The following PCYT1A variants were observed in gnomAD, a reference collection of about 807,000 sequenced individuals.
The protein encoded by PCYT1A is choline-phosphate cytidylyltransferase A.
Under a neutral mutation model 43.7 loss-of-function variants are expected in PCYT1A, and 25 were observed. That is an observed-to-expected ratio of 0.57 (90% confidence interval 0.42 to 0.80). The LOEUF is 0.80. Among genes scored for constraint, PCYT1A ranks in the 30% least tolerant of loss-of-function variants. The probability of loss-of-function intolerance (pLI) is 0.00; values close to 1 mark genes in which losing one functional copy is unlikely to be tolerated. For synonymous variants in PCYT1A, 172 were observed against 170.7 expected, an observed-to-expected ratio of 1.01 and a Z score of -0.06; for missense variants, 421 against 474.2, an observed-to-expected ratio of 0.89 and a Z score of 1.04.
At chr3:196,259,581 T>C (rs1252342075) in intron 2 of PCYT1A, among the ~76,000 whole-genome samples, 1 of 152,108 alleles carries the variant, frequency 6.6e-6, no homozygotes, top group Non-Finnish European at 1.5e-5. Flanking sequence ...CAGTAGCTCA[T>C]GCCTGTAATC....
In PCYT1A at chr3:196,242,931, G is replaced by C; in HGVS notation, c.487-291C>G. The C allele has an allele frequency of 2.6e-6, 1 of 392,068 alleles. No individual in the cohort carries two copies. The highest frequency in any genetic ancestry group is 2.8e-5 in the South Asian group (1 of 35,280). 24.3% of individuals were successfully genotyped at this position (392,068 alleles called of 1,614,324 possible). On this transcript the variant is annotated intron_variant, in intron 5 of 8. Coordinates refer to ENST00000431016, the MANE Select transcript of PCYT1A (RefSeq NM_001312673.2). The surrounding 1 kb of genome is among the most constrained non-coding windows in gnomAD (Gnocchi z 4.2). ...CAGTCATCTTGCTGTGGTCAATAGGGCCAGAGGGTTTGCTGGTGAACCGGT... is the reference window on the plus strand; with the variant it reads ...CAGTCATCTTGCTGTGGTCAATAGGCCCAGAGGGTTTGCTGGTGAACCGGT...
In PCYT1A at chr3:196,245,142, A is replaced by AC. The variant is rs201343687; in HGVS notation, c.486+2224dup. On this transcript the variant is annotated intron_variant, in intron 5 of 8. Coordinates refer to ENST00000431016, the MANE Select transcript of PCYT1A (RefSeq NM_001312673.2). ...TATCCTCAGGATCTATCATTTCACT[A>AC]CTTTTTTTTTTTTTTTTGAGACCGA... 3.2e-4 allele frequency among the ~76,000 whole-genome samples: 47 copies of AC among 146,156 alleles called. 1 individual carries two copies. The highest frequency in any genetic ancestry group is 4.4e-4 in the South Asian group (2 of 4,586).
chr3:196,259,911 CTTTTTTTTTTTT>C (rs779918737), intron 2 of PCYT1A, among the ~76,000 whole-genome samples: 8 of 48,962 alleles, frequency 1.6e-4, no homozygotes, highest in Admixed American at 2.9e-4. Context: ...TGGAAACATT[CTTTTTTTTTTTT>C]TTTTTTTTTT....
chr3:196,280,061 C>T (rs1449573189), intron 1 of PCYT1A, among the ~76,000 whole-genome samples: 3 of 151,986 alleles, frequency 2.0e-5, no homozygotes, highest in Non-Finnish European at 4.4e-5. Flanking sequence ...GAACTCCTGA[C>T]CTCAGGTGAT....
At chr3:196,240,026 C>A in intron 7 of PCYT1A, 2 of 363,958 alleles carry the variant, frequency 5.5e-6, no homozygotes. Context: ...AAAGATAAAA[C>A]ATAAACTTGG....
intron 3 of PCYT1A, among the ~76,000 whole-genome samples, chr3:196,256,287 C>T (rs1009902047): frequency 1.3e-5 from 2 of 152,060 alleles, no homozygotes; most frequent in Non-Finnish European, 2.9e-5. Context: ...GTCAGGAGTT[C>T]GAGGCCAGCC....
chr3:196,264,760 T>G lies in PCYT1A; in HGVS notation c.117+5655A>C, dbSNP rs541073226. Among the ~76,000 whole-genome samples, 3 of 152,320 alleles carry G rather than the reference T, an allele frequency of 2.0e-5. No individual in the cohort carries two copies. The South Asian group carries it at 6.2e-4, about 32-fold the overall frequency. The stretch of plus-strand genomic sequence containing the variant: ...AGATTGACTTTGTAACTTCCGTCTA[T>G]TTGGCACTTTTCATACGTATCATAA... On this transcript the variant is annotated intron_variant, in intron 2 of 8. Transcript: ENST00000431016.
chr3:196,280,820 T>C (rs912311272), intron 1 of PCYT1A, among the ~76,000 whole-genome samples: 1 of 152,170 alleles, frequency 6.6e-6, no homozygotes, highest in Non-Finnish European at 1.5e-5. Flanking sequence ...TCTCAAAATA[T>C]CTTACTACAT....
At chr3:196,245,006 TTTATCTGCTGACC>T (rs1724514814) in intron 5 of PCYT1A, among the ~76,000 whole-genome samples, 2 of 152,142 alleles carry the variant, frequency 1.3e-5, no homozygotes, top group African/African-American at 4.8e-5. Context: ...TGTTCACTTG[TTTATCTGCTGACC>T]TTCCGTCCAC....
At chr3:196,245,720 C>T (rs1577357003) in intron 5 of PCYT1A, among the ~76,000 whole-genome samples, 1 of 152,020 alleles carries the variant, frequency 6.6e-6, no homozygotes, top group East Asian at 1.9e-4. Context: ...AATAGGAGGC[C>T]GGGTGGATCA....
chr3:196,244,249 G>A lies in PCYT1A; in HGVS notation c.487-1609C>T, dbSNP rs578124957. 2.6e-3 allele frequency among the ~76,000 whole-genome samples: 363 copies of A among 140,668 alleles called. 6 individuals are homozygous for A. In the Middle Eastern group the frequency reaches 0.04, roughly 15 times the overall value. 92.3% of individuals were successfully genotyped at this position (140,668 alleles called of 152,430 possible). A position where few individuals can be genotyped will look rare whatever the true frequency, so the allele number is the denominator to read the frequency against. On this transcript the variant is annotated intron_variant, in intron 5 of 8. Transcript: ENST00000431016. Reference sequence around the variant, plus strand: ...CGACCCCGTCTGGGATGTGAGGAGCGTCTCTGCCTGGCCGCCCATCGTCTG... The same window carrying A: ...CGACCCCGTCTGGGATGTGAGGAGCATCTCTGCCTGGCCGCCCATCGTCTG...
At position 196,238,299 on chromosome 3, in the gene PCYT1A, C is replaced by T. The variant is rs188553812; in HGVS notation, c.*389G>A. 21 of 159,480 alleles carry T rather than the reference C, an allele frequency of 1.3e-4. No individual in the cohort carries two copies. The highest frequency in any genetic ancestry group is 3.2e-4 in the Admixed American group (5 of 15,500). 9.9% of individuals were successfully genotyped at this position (159,480 alleles called of 1,614,324 possible). On this transcript the variant is annotated 3_prime_UTR_variant, in exon 9 of 9. Transcript: ENST00000431016. ...GTATACCGGGAAGAAAAGGCCTCTG[C>T]GTATTACACTACCTCCTTCTTCTGC...
chr3:196,280,570 G>GTTTTTTTTTTTTGT (rs1725736437), intron 1 of PCYT1A, among the ~76,000 whole-genome samples: 1 of 91,344 alleles, frequency 1.1e-5, no homozygotes, highest in East Asian at 3.2e-4. Flanking sequence ...TATTTTTATT[G>GTTTTTTTTTTTTGT]TTTTTTTTTT....
At chr3:196,263,268 G>A (rs975526700) in intron 2 of PCYT1A, among the ~76,000 whole-genome samples, 1 of 152,064 alleles carries the variant, frequency 6.6e-6, no homozygotes, top group African/African-American at 2.4e-5. Context: ...AGGTTGGAAT[G>A]CAGCAGTGCG....
intron 1 of PCYT1A, among the ~76,000 whole-genome samples, chr3:196,281,253 T>C (rs528599808): frequency 7.2e-5 from 11 of 152,370 alleles, no homozygotes; most frequent in African/African-American, 2.4e-4. Context: ...CATCTAATAT[T>C]CCTGGCATTC....
intron 2 of PCYT1A, among the ~76,000 whole-genome samples, chr3:196,262,746 G>C (rs1271976301): frequency 6.7e-6 from 1 of 149,786 alleles, no homozygotes; most frequent in Admixed American, 6.7e-5. Context: ...ACTAGAACTT[G>C]ATATTGTCTT....
Position 196,257,869 on chromosome 3 carries a change from G to T in PCYT1A, c.136C>A (p.Pro46Thr). ...RCAVGLRQPA[P>T]FSDEIEVDFS... is the part of the protein sequence containing the mutation. ...TCAACTTCAATTTCATCAGAAAAAG[G>T]AGCTGGTTGCCGTAAGCCCTTAAGA... is the stretch of plus-strand genomic sequence containing the variant. The change falls in exon 3 of 9, where the codon CCT (proline) becomes ACT (threonine). Residue 46 changes from proline to threonine, a missense_variant. Physicochemically the swap from Pro to Thr is conservative, Grantham distance 38. This residue lies in a region of PCYT1A where 139 missense variants were observed against 117.7 expected (regional missense o/e 1.18). Transcript: ENST00000431016. 2 of 1,612,928 alleles carry T rather than the reference G, an allele frequency of 1.2e-6. No individual in the cohort carries two copies. The highest frequency in any genetic ancestry group is 1.7e-6 in the Non-Finnish European group (2 of 1,179,120).
At chr3:196,276,705 A>G (rs1725601105) in intron 1 of PCYT1A, among the ~76,000 whole-genome samples, 1 of 152,228 alleles carries the variant, frequency 6.6e-6, no homozygotes, top group South Asian at 2.1e-4. Flanking sequence ...AAAAATGCTT[A>G]TGATATAAAA....
chr3:196,258,356 T>C (rs955472975), intron 2 of PCYT1A, among the ~76,000 whole-genome samples: 1 of 152,018 alleles, frequency 6.6e-6, no homozygotes, highest in African/African-American at 2.4e-5. Flanking sequence ...GTGAATGGAA[T>C]TGTTTTCTGA....
Sources: allele counts gnomAD v4.1 joint callset (sites outside exome capture counted in the v4.1 genomes callset), GRCh38; gene constraint gnomAD v4.1.1; regional missense constraint gnomAD v4.1.1; non-coding constraint Gnocchi (gnomAD v3.1); transcripts MANE v1.5; gene names NCBI Gene and HGNC (gene_info 2026-07-23, HGNC 2026-07-21).